The following TF variants were observed in gnomAD, a reference collection of about 807,000 sequenced individuals.
TF encodes transferrin.
In TF, 55 loss-of-function variants were observed where a neutral mutation model predicts 82.4. The observed-to-expected ratio is 0.67, with a 90% confidence interval of 0.54 to 0.84. TF has a LOEUF of 0.84. Among genes scored for constraint, TF ranks in the 40% least tolerant of loss-of-function variants. The pLI, the probability that TF is intolerant of heterozygous loss-of-function variation, is 0.00. For synonymous variants in TF, 332 were observed against 332.6 expected (o/e 1.00, Z 0.02); for missense variants, 737 against 868.4 (o/e 0.85, Z 1.90).
At chr3:133,751,024 T>G (rs1465203179) in intron 2 of TF, among the ~76,000 whole-genome samples, 1 of 152,160 alleles carries the variant, frequency 6.6e-6, no homozygotes, top group East Asian at 1.9e-4. Context: ...AATTTTGTTT[T>G]GTATTGTGGT....
the TF span, among the ~76,000 whole-genome samples, chr3:133,683,771 CT>C: frequency 6.6e-6 from 1 of 152,310 alleles, no homozygotes; most frequent in East Asian, 1.9e-4. Flanking sequence ...TAACACCCCC[CT>C]GTCAACATTA....
intron 14 of TF, chr3:133,773,606 A>C (rs892884434): frequency 6.6e-6 from 1 of 152,036 alleles, no homozygotes; most frequent in Non-Finnish European, 1.5e-5. Flanking sequence ...AATGCTTCAA[A>C]ATTTTCTTCC....
the TF span, among the ~76,000 whole-genome samples, chr3:133,663,083 ATCC>A: frequency 6.6e-6 from 1 of 152,114 alleles, no homozygotes; most frequent in Non-Finnish European, 1.5e-5. Flanking sequence ...CAGGTTCCTC[ATCC>A]TCTACCATCC....
the TF span, among the ~76,000 whole-genome samples, chr3:133,684,121 G>T: frequency 1.2e-4 from 18 of 152,286 alleles, 1 homozygote; most frequent in South Asian, 3.5e-3. Flanking sequence ...ATAATGAAAT[G>T]AAGGCAGAAA....
At position 133,793,855 on chromosome 3, in the gene TF, A is replaced by G. The variant is rs1331339276; in HGVS notation, c.*15235A>G. On this transcript the variant is annotated 3_prime_UTR_variant, in exon 17 of 17. Transcript: ENST00000402696. ...AGGTTTCTAATAAGTTTAGAATTAT[A>G]TCATTTGAACTGGGTAAGAATTCCT... is the stretch of plus-strand genomic sequence containing the variant. The G allele has an allele frequency of 1.3e-5, 2 of 152,208 alleles. No homozygotes were observed. The highest frequency in any genetic ancestry group is 3.8e-4 in the East Asian group (2 of 5,202). 9.4% of individuals were successfully genotyped at this position (152,208 alleles called of 1,614,324 possible).
At chr3:133,731,815 T>C in the TF span, among the ~76,000 whole-genome samples, 1 of 152,234 alleles carries the variant, frequency 6.6e-6, no homozygotes, top group Non-Finnish European at 1.5e-5. Context: ...AGCTACTCAG[T>C]GGTCTAACAT....
chr3:133,673,710 C>G, the TF span, among the ~76,000 whole-genome samples: 1 of 147,994 alleles, frequency 6.8e-6, no homozygotes, highest in African/African-American at 2.4e-5. Flanking sequence ...GGGGTTGTGC[C>G]AGCTTTGTTT....
the TF span, among the ~76,000 whole-genome samples, chr3:133,679,802 T>C: frequency 6.6e-6 from 1 of 152,186 alleles, no homozygotes; most frequent in African/African-American, 2.4e-5. Context: ...GGAGGACATG[T>C]ATTTTCATTT....
At chr3:133,765,838 T>C (rs1934113490) in intron 11 of TF, among the ~76,000 whole-genome samples, 1 of 152,244 alleles carries the variant, frequency 6.6e-6, no homozygotes, top group Admixed American at 6.5e-5. Context: ...TATAAAACTA[T>C]ATTCTCCTTA....
At chr3:133,689,716 C>T in the TF span, among the ~76,000 whole-genome samples, 6 of 152,118 alleles carry the variant, frequency 3.9e-5, no homozygotes, top group Non-Finnish European at 4.4e-5. Context: ...AATTCAGATA[C>T]ATTGTCAGCT....
chr3:133,794,569 A>C lies in TF; in HGVS notation c.*15949A>C, dbSNP rs1207692086. ...CTCCTTCACAACCTAGAAACTGAAG[A>C]TTGTATCTTCTGAAAACATTGGATA... On this transcript the variant is annotated 3_prime_UTR_variant, in exon 17 of 17. Transcript: ENST00000402696. 6.6e-6 allele frequency: 1 copy of C among 152,216 alleles called. No individual in the cohort carries two copies. Among genetic ancestry groups the C allele is most frequent in the Non-Finnish European group, 1.5e-5 (1 of 68,042 alleles). The allele number at this position is 152,216 out of a possible 1,614,324, so 9.4% of individuals were successfully genotyped here.
Position 133,779,529 on chromosome 3 carries a change from C to CT in TF, c.*912dup, listed in dbSNP as rs1934472326. On this transcript the variant is annotated 3_prime_UTR_variant, in exon 17 of 17. Transcript: ENST00000402696. ...GTTTCTCTGACATGGCAGGTCTCTG[C>CT]TTTGATTCCTACCTCTCTCTGTTCA... is the stretch of plus-strand genomic sequence containing the variant. 6.6e-6 allele frequency: 1 copy of CT among 152,276 alleles called. No homozygotes were observed. Among genetic ancestry groups the CT allele is most frequent in the Admixed American group, 6.5e-5 (1 of 15,284 alleles). The allele number at this position is 152,276 out of a possible 1,614,324, so 9.4% of individuals were successfully genotyped here.
chr3:133,753,523 T>A, intron 2 of TF, 72 bp from the exon 3 acceptor site: 1 of 1,357,514 alleles, frequency 7.4e-7, no homozygotes, highest in Non-Finnish European at 1.1e-6. Context: ...AGCCACTCTC[T>A]ACTTGTGTGG....
chr3:133,671,997 A>C, the TF span, among the ~76,000 whole-genome samples: 3 of 152,182 alleles, frequency 2.0e-5, no homozygotes, highest in African/African-American at 7.2e-5. Flanking sequence ...AATACTAATC[A>C]AGGAAAGTAG....
At chr3:133,668,875 G>A in the TF span, among the ~76,000 whole-genome samples, 2 of 152,128 alleles carry the variant, frequency 1.3e-5, no homozygotes, top group African/African-American at 4.8e-5. Context: ...CATGTCCCGT[G>A]GATGGGACAT....
chr3:133,728,997 C>G, the TF span, among the ~76,000 whole-genome samples: 1 of 152,172 alleles, frequency 6.6e-6, no homozygotes, highest in African/African-American at 2.4e-5. Context: ...ATGCTGCTGT[C>G]TGATCGTTCC....
At chr3:133,764,357 A>C (rs1006637096) in intron 10 of TF, 82 bp downstream of exon 10, 8 of 1,169,972 alleles carry the variant, frequency 6.8e-6, no homozygotes, top group Non-Finnish European at 1.0e-5. Flanking sequence ...AGTCTGATTC[A>C]TACCACAGCT....
intron 9 of TF, among the ~76,000 whole-genome samples, chr3:133,760,059 G>A (rs1933948718): frequency 6.6e-6 from 1 of 151,784 alleles, no homozygotes; most frequent in Non-Finnish European, 1.5e-5. Context: ...TTCTGTGTTA[G>A]TGCACACATC....
chr3:133,666,964 A>G, the TF span, among the ~76,000 whole-genome samples: 14 of 151,906 alleles, frequency 9.2e-5, no homozygotes, highest in Admixed American at 6.6e-5. Flanking sequence ...TGAACCTGGG[A>G]GGTGGAGCTT....
Sources: allele counts gnomAD v4.1 joint callset (sites outside exome capture counted in the v4.1 genomes callset), GRCh38; gene constraint gnomAD v4.1.1; transcripts MANE v1.5; gene names NCBI Gene and HGNC (gene_info 2026-07-23, HGNC 2026-07-21).